The following POU6F2 variants were observed in gnomAD, a reference collection of about 807,000 sequenced individuals.
POU6F2 encodes POU class 6 homeobox 2, also known as POU domain, class 6, transcription factor 2.
A neutral mutation model predicts 71.3 loss-of-function variants in POU6F2; 31 were observed. The observed-to-expected ratio is 0.43, with a 90% CI of 0.33 to 0.59. The LOEUF is 0.59. Among genes scored for constraint, POU6F2 ranks in the 20% least tolerant of loss-of-function variants. The pLI, the probability that POU6F2 is intolerant of heterozygous loss-of-function variation, is 0.04. For missense variants in POU6F2, 783 were observed against 856.8 expected, an observed-to-expected ratio of 0.91 and a Z score of 1.07; for synonymous variants, 347 against 355.7, an observed-to-expected ratio of 0.98 and a Z score of 0.27.
intron 4 of POU6F2, among the ~76,000 whole-genome samples, chr7:39,257,488 T>C (rs1194969861): frequency 1.3e-5 from 2 of 152,160 alleles, no homozygotes; most frequent in Non-Finnish European, 2.9e-5. Flanking sequence ...TTGTTTGTTA[T>C]CTAGAAACAA....
chr7:39,226,258 G>A (rs1370469061), intron 4 of POU6F2, among the ~76,000 whole-genome samples: 1 of 152,168 alleles, frequency 6.6e-6, no homozygotes, highest in African/African-American at 2.4e-5. Flanking sequence ...GAGTTGTAAT[G>A]TTAGTGGTAA....
chr7:39,245,273 G>A (rs540853646), intron 4 of POU6F2, among the ~76,000 whole-genome samples: 3 of 152,194 alleles, frequency 2.0e-5, no homozygotes, highest in Non-Finnish European at 4.4e-5. Flanking sequence ...AGACAGCTTC[G>A]TAAAACTTGA....
At position 39,467,561 on chromosome 7, in the gene POU6F2, A is replaced by G. The variant is rs1369047224; in HGVS notation, c.*2875A>G. On this transcript the variant is annotated 3_prime_UTR_variant, in exon 10 of 10. Coordinates refer to ENST00000518318, the MANE Select transcript of POU6F2 (RefSeq NM_001370959.1). ...AATTATTGTTATCTGCATTTTCATT[A>G]CTTCATGAAAAAATGACAGTGGATA... 6.6e-6 allele frequency: 1 copy of G among 152,214 alleles called. No homozygotes were observed. The allele number at this position is 152,214 out of a possible 1,614,324, so 9.4% of individuals were successfully genotyped here. A position where few individuals can be genotyped will look rare whatever the true frequency, so the allele number is the denominator to read the frequency against.
At chr7:39,081,741 G>C (rs1023957294) in intron 1 of POU6F2, among the ~76,000 whole-genome samples, 2 of 152,184 alleles carry the variant, frequency 1.3e-5, no homozygotes, top group African/African-American at 4.8e-5. Context: ...ACTACACACA[G>C]TATGTCTGGG....
chr7:39,085,387 G>C (rs528209411), intron 1 of POU6F2, among the ~76,000 whole-genome samples: 7 of 151,850 alleles, frequency 4.6e-5, no homozygotes, highest in South Asian at 4.2e-4. Flanking sequence ...CTTCTCCCCC[G>C]GGGAGAAGGC....
intron 9 of POU6F2, among the ~76,000 whole-genome samples, chr7:39,462,817 T>G (rs1416474710): frequency 6.6e-6 from 1 of 152,184 alleles, no homozygotes; most frequent in Non-Finnish European, 1.5e-5. Flanking sequence ...GAGTTCTACA[T>G]GGAAGGGAAT....
chr7:39,411,406 A>G (rs566117180), intron 6 of POU6F2, among the ~76,000 whole-genome samples: 3 of 152,244 alleles, frequency 2.0e-5, no homozygotes, highest in African/African-American at 7.2e-5. Context: ...GGTGCTAAAG[A>G]AAGCATTCTA....
intron 4 of POU6F2, among the ~76,000 whole-genome samples, chr7:39,314,999 A>G (rs1398687666): frequency 6.6e-6 from 1 of 152,220 alleles, no homozygotes; most frequent in Non-Finnish European, 1.5e-5. Flanking sequence ...CTGTGGTCTT[A>G]CCTGTAACAC....
At chr7:39,463,246 T>C (rs1484500490) in intron 9 of POU6F2, among the ~76,000 whole-genome samples, 1 of 152,262 alleles carries the variant, frequency 6.6e-6, no homozygotes, top group African/African-American at 2.4e-5. Context: ...TATATAATTT[T>C]GTCCAAGACG....
At chr7:39,128,928 C>T (rs1034660967) in intron 2 of POU6F2, among the ~76,000 whole-genome samples, 1 of 152,126 alleles carries the variant, frequency 6.6e-6, no homozygotes, top group Non-Finnish European at 1.5e-5. Context: ...AAATCTCTTG[C>T]TAGCATCCTT....
At position 39,256,813 on chromosome 7, in the gene POU6F2, A is replaced by G. The variant is rs1408054188; in HGVS notation, c.598+49193A>G. 1.3e-5 allele frequency among the ~76,000 whole-genome samples: 2 copies of G among 152,186 alleles called. 1 individual carries two copies. The highest frequency in any genetic ancestry group is 4.8e-5 in the African/African-American group (2 of 41,444). Reference sequence around the variant, plus strand: ...CCCTTCCAAAGAACATGGGCAGTCTAGAAGCTGAAAAAGGCAAGGAAACAG... The same window carrying G: ...CCCTTCCAAAGAACATGGGCAGTCTGGAAGCTGAAAAAGGCAAGGAAACAG... On this transcript the variant is annotated intron_variant, in intron 4 of 9. Coordinates refer to ENST00000518318, the MANE Select transcript of POU6F2 (RefSeq NM_001370959.1).
chr7:39,176,549 C>G (rs1042758938), intron 2 of POU6F2, among the ~76,000 whole-genome samples: 1 of 152,100 alleles, frequency 6.6e-6, no homozygotes, highest in African/African-American at 2.4e-5. Context: ...CGTGTCTTTT[C>G]CAGAAAGATA....
intron 2 of POU6F2, among the ~76,000 whole-genome samples, chr7:39,191,780 A>T (rs981153595): frequency 5.3e-5 from 8 of 152,220 alleles, no homozygotes; most frequent in Non-Finnish European, 1.0e-4. Context: ...CTATGAATGC[A>T]CTCAAGTTAA....
chr7:39,385,773 A>G (rs1169926002), intron 5 of POU6F2, among the ~76,000 whole-genome samples: 1 of 152,028 alleles, frequency 6.6e-6, no homozygotes, highest in African/African-American at 2.4e-5. Context: ...CCCCTCTCAG[A>G]GGGTCTCAGC....
chr7:39,427,556 C>T (rs1403697784), intron 6 of POU6F2, among the ~76,000 whole-genome samples: 1 of 152,114 alleles, frequency 6.6e-6, no homozygotes, highest in East Asian at 1.9e-4. Context: ...GTTCTTTACT[C>T]TTGTCTGTGA....
At chr7:39,188,406 G>A (rs145807788) in intron 2 of POU6F2, among the ~76,000 whole-genome samples, 1 of 152,174 alleles carries the variant, frequency 6.6e-6, no homozygotes, top group Non-Finnish European at 1.5e-5. Flanking sequence ...TCCGCCTCCT[G>A]GGCTCAAATA....
At chr7:39,416,165 C>T (rs924393805) in intron 6 of POU6F2, among the ~76,000 whole-genome samples, 4 of 150,076 alleles carry the variant, frequency 2.7e-5, no homozygotes, top group African/African-American at 9.8e-5. Flanking sequence ...AGATGTAAAC[C>T]TTACCGAATA....
chr7:39,287,773 C>T (rs1425669947), intron 4 of POU6F2, among the ~76,000 whole-genome samples: 2 of 152,174 alleles, frequency 1.3e-5, no homozygotes, highest in Admixed American at 1.3e-4. Flanking sequence ...TGAAGAATCC[C>T]AGACCCCAGC....
chr7:39,017,618 C>T (rs1789587399), intron 1 of POU6F2, among the ~76,000 whole-genome samples: 1 of 152,138 alleles, frequency 6.6e-6, no homozygotes, highest in African/African-American at 2.4e-5. Flanking sequence ...CTCTGCCTCT[C>T]CTACCTCATC....
Sources: allele counts gnomAD v4.1 joint callset (sites outside exome capture counted in the v4.1 genomes callset), GRCh38; gene constraint gnomAD v4.1.1; transcripts MANE v1.5; gene names NCBI Gene and HGNC (gene_info 2026-07-23, HGNC 2026-07-21).